Variants in ZSCAN21 observed in about 807,000 individuals in gnomAD.
ZSCAN21 encodes the protein zinc finger and SCAN domain containing 21.
ZSCAN21 carries 26 observed loss-of-function variants against 35.6 expected under a neutral mutation model. The ratio of observed to expected loss-of-function variants is 0.73; its 90% CI spans 0.54 to 1.01. The LOEUF (loss-of-function observed/expected upper bound fraction) is 1.01, where lower values mean the gene tolerates loss of function less well. ZSCAN21 is among the 50% of genes least tolerant of loss of function. The pLI is 0.00. For missense variants in ZSCAN21, 593 were observed against 587.1 expected (o/e 1.01, Z -0.10); for synonymous variants, 219 against 219.3 (o/e 1.00, Z 0.01).
At chr7:100,057,549 T>C in intron 2 of ZSCAN21, 144 bp downstream of exon 2, 1 of 1,378,042 alleles carries the variant, frequency 7.3e-7, no homozygotes, top group Non-Finnish European at 9.8e-7. Context: ...TTCTCTATCA[T>C]CCTAAACTAA....
intron 1 of ZSCAN21, among the ~76,000 whole-genome samples, chr7:100,055,631 A>G (rs1411575438): frequency 1.4e-5 from 2 of 147,404 alleles, no homozygotes; most frequent in Admixed American, 6.8e-5. Flanking sequence ...TCATTTGACT[A>G]GTGAATTTTC....
chr7:100,055,947 CT>C (rs72484489), intron 1 of ZSCAN21, among the ~76,000 whole-genome samples: 220 of 105,092 alleles, frequency 2.1e-3, no homozygotes, highest in East Asian at 3.1e-3. Flanking sequence ...CGGCCCTCCT[CT>C]TTTTTTTTTT....
intron 3 of ZSCAN21, among the ~76,000 whole-genome samples, chr7:100,062,231 C>G (rs923790138): frequency 1.3e-5 from 2 of 151,250 alleles, no homozygotes; most frequent in African/African-American, 4.9e-5. Context: ...AACCCTGGCC[C>G]TGCAGCAGTC....
intron 1 of ZSCAN21, chr7:100,051,363 G>A (rs562398218): frequency 5.1e-4 from 66 of 129,192 alleles, no homozygotes; most frequent in Middle Eastern, 5.1e-3. Context: ...GCGCGATCTC[G>A]GCTCACTGCA....
At chr7:100,060,994 G>T (rs1347921665) in intron 3 of ZSCAN21, among the ~76,000 whole-genome samples, 1 of 151,892 alleles carries the variant, frequency 6.6e-6, no homozygotes, top group African/African-American at 2.4e-5. Context: ...GGAGGTGGAG[G>T]TTGTGGTGCA....
In ZSCAN21 at chr7:100,064,253, TG is replaced by T. The variant is rs756392134; in HGVS notation, c.1059del (p.Met353IlefsTer133). 1 of 1,614,000 alleles carries T rather than the reference TG, an allele frequency of 6.2e-7. No individual in the cohort carries two copies. The highest frequency in any genetic ancestry group is 1.7e-5 in the Admixed American group (1 of 59,992). ...QSSDLLKHQRMHTEEAPYQCK... is the reference protein window; with the variant it reads ...QSSDLLKHQRXHTEEAPYQCK... Reference sequence around the variant, plus strand: ...TCAGACCTTCTTAAACATCAGAGAATGCACACAGAAGAGGCGCCATATCAGT... The same window carrying T: ...TCAGACCTTCTTAAACATCAGAGAATCACACAGAAGAGGCGCCATATCAGT... On this transcript the variant is annotated frameshift_variant, in exon 4 of 4. Transcript: ENST00000292450. LOFTEE classifies it high-confidence loss of function.
intron 3 of ZSCAN21, among the ~76,000 whole-genome samples, chr7:100,060,896 C>T (rs1792266776): frequency 7.2e-6 from 1 of 139,542 alleles, no homozygotes; most frequent in Non-Finnish European, 1.6e-5. Flanking sequence ...ACTAAAAATA[C>T]AAAAATTAGT....
chr7:100,064,084 A>C lies in ZSCAN21; in HGVS notation c.889A>C (p.Arg297=). 6.2e-7 allele frequency: 1 copy of C among 1,614,178 alleles called. No individual in the cohort carries two copies. The highest frequency in any genetic ancestry group is 8.5e-7 in the Non-Finnish European group (1 of 1,180,046). The part of the protein sequence containing the change: ...SNSSNLTKHR[R]THTGEKPYVC... ...TAGCTCAAATCTCACCAAACACAGG[A>C]GAACACACACTGGGGAGAAACCTTA... The change falls in exon 4 of 4, where the codon AGA becomes CGA. Residue 297 remains arginine (R), a synonymous_variant. Coordinates refer to ENST00000292450, the MANE Select transcript of ZSCAN21 (RefSeq NM_145914.3).
In ZSCAN21 at chr7:100,063,863, A is replaced by G; in HGVS notation, c.668A>G (p.Asp223Gly). 6.2e-7 allele frequency: 1 copy of G among 1,614,144 alleles called. No homozygotes were observed. Among genetic ancestry groups the G allele is most frequent in the African/African-American group, 1.3e-5 (1 of 75,046 alleles). ...TCTGAAGCAGAGGGGCTCAAAGGGG[A>G]TATAATTTCTGTGATTATCGCCAAT... Reference protein sequence around the residue: ...KGSEAEGLKGDIISVIIANKP... With the variant: ...KGSEAEGLKGGIISVIIANKP... Residue 223 changes from aspartate (D) to glycine (G), a missense_variant, in exon 4 of 4, where the codon GAT (aspartate) becomes GGT (glycine). Asp to Gly is a moderately conservative substitution (Grantham distance 94, BLOSUM62 -1). Coordinates refer to ENST00000292450, the MANE Select transcript of ZSCAN21 (RefSeq NM_145914.3).
intron 1 of ZSCAN21, among the ~76,000 whole-genome samples, chr7:100,054,296 C>T (rs1562843971): frequency 6.6e-6 from 1 of 151,530 alleles, no homozygotes; most frequent in Non-Finnish European, 1.5e-5. Flanking sequence ...GTTGCCCAGG[C>T]TGGAGTGCAG....
chr7:100,063,949 C>T lies in ZSCAN21; in HGVS notation c.754C>T (p.Pro252Ser), dbSNP rs752063106. 1 of 1,614,100 alleles carries T rather than the reference C, an allele frequency of 6.2e-7. No individual in the cohort carries two copies. The highest frequency in any genetic ancestry group is 1.1e-5 in the South Asian group (1 of 91,084). Residue 252 changes from proline to serine, a missense_variant, in exon 4 of 4, where the codon CCC becomes TCC. Transcript: ENST00000292450. Reference protein sequence around the residue: ...VNLENEKGTKPPLQEAGSKKG... With the variant: ...VNLENEKGTKSPLQEAGSKKG... ...CCTTGAAAATGAAAAAGGAACAAAA[C>T]CCCCTCTTCAAGAGGCAGGCTCCAA...
intron 1 of ZSCAN21, among the ~76,000 whole-genome samples, chr7:100,055,711 G>A (rs1488810329): frequency 6.7e-6 from 1 of 148,594 alleles, no homozygotes; most frequent in African/African-American, 2.5e-5. Flanking sequence ...CGCGATCTCT[G>A]TTCACTGCAA....
At chr7:100,060,530 C>T (rs1792245209) in intron 3 of ZSCAN21, among the ~76,000 whole-genome samples, 1 of 151,754 alleles carries the variant, frequency 6.6e-6, no homozygotes, top group Admixed American at 6.6e-5. Flanking sequence ...CCATTGCACT[C>T]CAGCCTGGCA....
At chr7:100,060,740 G>A (rs1366576030) in intron 3 of ZSCAN21, among the ~76,000 whole-genome samples, 1 of 150,338 alleles carries the variant, frequency 6.7e-6, no homozygotes, top group Non-Finnish European at 1.5e-5. Flanking sequence ...GGGACCTGTA[G>A]TCCCAGCTAC....
At chr7:100,058,272 A>G (rs1173912489) in intron 3 of ZSCAN21, among the ~76,000 whole-genome samples, 1 of 152,138 alleles carries the variant, frequency 6.6e-6, no homozygotes, top group East Asian at 1.9e-4. Context: ...CTAAAGGGAC[A>G]GAGGGGGACC....
Position 100,064,431 on chromosome 7 carries a change from A to G in ZSCAN21, c.1236A>G (p.Gly412=), listed in dbSNP as rs540518979. ...GCTCCCACCAGAGACTCCACACCGG[A>G]GAGAAGCCATATAAGTGTAAGGAGT... ...GLSSHQRLHT[G]EKPYKCKECG... The change falls in exon 4 of 4, where the codon GGA becomes GGG. Residue 412 remains glycine, a synonymous_variant. Transcript: ENST00000292450. 5.0e-6 allele frequency: 8 copies of G among 1,613,766 alleles called. No homozygotes were observed. In the Admixed American group the frequency reaches 8.3e-5, roughly 17 times the overall value.
intron 1 of ZSCAN21, among the ~76,000 whole-genome samples, chr7:100,051,014 A>T (rs1384257028): frequency 6.6e-6 from 1 of 151,284 alleles, no homozygotes; most frequent in Non-Finnish European, 1.5e-5. Flanking sequence ...CAACATGGAG[A>T]AACCCCGTCT....
intron 1 of ZSCAN21, among the ~76,000 whole-genome samples, chr7:100,056,185 C>A (rs1372421871): frequency 3.3e-5 from 5 of 152,078 alleles, no homozygotes. Context: ...GTGATCCGCC[C>A]ACCTCAGCAC....
intron 1 of ZSCAN21, among the ~76,000 whole-genome samples, chr7:100,052,788 TC>T (rs1791928470): frequency 6.6e-6 from 1 of 152,008 alleles, no homozygotes; most frequent in Non-Finnish European, 1.5e-5. Flanking sequence ...GGCCCTCTAC[TC>T]GTTTGTAGTC....
Sources: gnomAD v4.1 joint callset for allele counts (sites outside exome capture counted in the v4.1 genomes callset) on GRCh38, gnomAD v4.1.1 for gene constraint, MANE v1.5 for transcripts, NCBI Gene and HGNC (gene_info 2026-07-23, HGNC 2026-07-21) for gene names.